DDB2: variants seen among roughly 807,000 people sequenced by gnomAD.
DDB2 encodes damage specific DNA binding protein 2.
DDB2 carries 27 observed loss-of-function variants against 50.5 expected under a neutral mutation model. The ratio of observed to expected loss-of-function variants is 0.53; its 90% CI spans 0.39 to 0.74. The LOEUF (loss-of-function observed/expected upper bound fraction) is 0.74. Ranked by LOEUF, DDB2 falls within the 30% of genes least tolerant of loss-of-function variation. DDB2 has a pLI of 0.00. For missense variants in DDB2, 424 were observed against 545.6 expected (o/e 0.78, Z 2.22); for synonymous variants, 176 against 205.5 (o/e 0.86, Z 1.23).
At chr11:47,224,365 A>G (rs1953528757) in intron 3 of DDB2, among the ~76,000 whole-genome samples, 1 of 151,978 alleles carries the variant, frequency 6.6e-6, no homozygotes, top group Non-Finnish European at 1.5e-5. Context: ...AGTAGCTGGG[A>G]TTACAGGTGC....
intron 1 of DDB2, 158 bp downstream of exon 1, chr11:47,215,421 GT>G: frequency 9.5e-7 from 1 of 1,052,724 alleles, no homozygotes; most frequent in Non-Finnish European, 1.4e-6. Context: ...ACACCAGAGT[GT>G]TTAGGTTTCA....
At chr11:47,227,801 C>T (rs1011237715) in intron 3 of DDB2, among the ~76,000 whole-genome samples, 2 of 152,064 alleles carry the variant, frequency 1.3e-5, no homozygotes, top group Admixed American at 6.6e-5. Context: ...CATTTGTGTT[C>T]ATGTGTAAAA....
intron 3 of DDB2, among the ~76,000 whole-genome samples, chr11:47,224,175 T>A (rs545968688): frequency 3.7e-4 from 57 of 152,316 alleles, no homozygotes; most frequent in South Asian, 1.5e-3. Context: ...CTGGTCGCTT[T>A]AAAAATGATT....
chr11:47,238,454 A>G (rs1265871864), intron 9 of DDB2, among the ~76,000 whole-genome samples: 2 of 151,684 alleles, frequency 1.3e-5, no homozygotes, highest in East Asian at 3.9e-4. Flanking sequence ...GCTGGAGTGC[A>G]GTGGCGTGAT....
At position 47,234,642 on chromosome 11, in the gene DDB2, C is replaced by A. The variant is rs201525567; in HGVS notation, c.672C>A (p.Asn224Lys). ...TGGTCACAGGAGACAACGTGGGGAACGTGATCCTGCTGAACATGGACGGCA... is the reference window on the plus strand; with the variant it reads ...TGGTCACAGGAGACAACGTGGGGAAAGTGATCCTGCTGAACATGGACGGCA... ...RMVVTGDNVG[N>K]VILLNMDGKE... Residue 224 changes from asparagine (N) to lysine (K), a missense_variant, in exon 5 of 10, where the codon AAC becomes AAA. Asn to Lys is a moderately conservative substitution (Grantham distance 94, BLOSUM62 0). Transcript: ENST00000256996. 1.9e-6 allele frequency: 3 copies of A among 1,614,146 alleles called. No homozygotes were observed.
chr11:47,219,954 C>CT (rs1287260099), intron 3 of DDB2, among the ~76,000 whole-genome samples: 4 of 152,038 alleles, frequency 2.6e-5, no homozygotes, highest in African/African-American at 9.7e-5. Flanking sequence ...CACCCGGCTA[C>CT]TTTTTTTATA....
At chr11:47,237,756 C>T (rs1344792511) in intron 7 of DDB2, 81 bp from the exon 8 acceptor site, 3 of 1,424,696 alleles carry the variant, frequency 2.1e-6, no homozygotes, top group Admixed American at 1.7e-5. Context: ...TTTGATGTTC[C>T]TCTTTGTTCA....
rs534759761 is a variant in DDB2 at position 47,218,491 on chromosome 11, G to A, written c.456+1442G>A. 7.2e-5 allele frequency among the ~76,000 whole-genome samples: 11 copies of A among 152,338 alleles called. No homozygotes were observed. In the South Asian group the frequency reaches 1.9e-3, roughly 26 times the overall value. On this transcript the variant is annotated intron_variant, in intron 3 of 9. Coordinates refer to ENST00000256996, the MANE Select transcript of DDB2 (RefSeq NM_000107.3). The stretch of plus-strand genomic sequence containing the variant: ...AGACTCCATGGATGAGCGAGGAGGA[G>A]CAGTATTAGATAAATGGAGAGAAAA...
intron 7 of DDB2, chr11:47,235,949 T>TTC (rs1953720976): frequency 6.7e-6 from 1 of 148,766 alleles, no homozygotes; most frequent in African/African-American, 2.5e-5. Flanking sequence ...TTTTTTTTTT[T>TTC]CTTGAAACGG....
chr11:47,230,618 A>G (rs1340644026), intron 3 of DDB2, among the ~76,000 whole-genome samples: 1 of 152,208 alleles, frequency 6.6e-6, no homozygotes, highest in Non-Finnish European at 1.5e-5. Flanking sequence ...TTGGCAGACC[A>G]TGAGCATTAG....
rs779621308 is a variant in DDB2 at position 47,215,193 on chromosome 11, C to A, written c.57C>A (p.Pro19=). The A allele has an allele frequency of 8.1e-6, 13 of 1,614,076 alleles. No homozygotes were observed. The South Asian group carries it at 1.3e-4, about 16-fold the overall frequency. Residue 19 remains proline (P), a synonymous_variant, in exon 1 of 10, where the codon CCC becomes CCA. Transcript: ENST00000256996. ...TQKTSEIVLR[P]RNKRSRSPLE... ...AGACCTCCGAGATTGTATTACGCCC[C>A]AGGAACAAGAGGAGCAGGAGTCCCC...
intron 3 of DDB2, among the ~76,000 whole-genome samples, chr11:47,224,847 T>C (rs1953534455): frequency 6.6e-6 from 1 of 151,448 alleles, no homozygotes; most frequent in South Asian, 2.1e-4. Flanking sequence ...TAGCCCAGCG[T>C]ATTTTTCATT....
At chr11:47,235,469 A>T in intron 7 of DDB2, 57 bp downstream of exon 7, 1 of 1,573,640 alleles carries the variant, frequency 6.4e-7, no homozygotes, top group Admixed American at 1.8e-5. Context: ...AGGCCGGAGC[A>T]GGTCTGCCCA....
chr11:47,232,218 C>T (rs1308552358), intron 3 of DDB2, among the ~76,000 whole-genome samples: 1 of 151,952 alleles, frequency 6.6e-6, no homozygotes, highest in African/African-American at 2.4e-5. Context: ...GTGGTGGGCA[C>T]CTGTAATCCC....
chr11:47,222,888 T>TA, intron 3 of DDB2, among the ~76,000 whole-genome samples: 1 of 152,350 alleles, frequency 6.6e-6, no homozygotes, highest in South Asian at 2.1e-4. Context: ...CCACATATTG[T>TA]CATTTCCAGT....
intron 9 of DDB2, 31 bp from the exon 10 acceptor site, chr11:47,238,769 G>T (rs771105355): frequency 6.2e-7 from 1 of 1,612,380 alleles, no homozygotes. Flanking sequence ...GTAACAGAAA[G>T]TGTAAGTCAG....
chr11:47,218,378 T>G (rs1453164053), intron 3 of DDB2, among the ~76,000 whole-genome samples: 1 of 152,170 alleles, frequency 6.6e-6, no homozygotes, highest in African/African-American at 2.4e-5. Flanking sequence ...ATGGGATGTA[T>G]ACATACGAGG....
intron 3 of DDB2, among the ~76,000 whole-genome samples, chr11:47,218,093 A>G (rs1467273148): frequency 1.3e-5 from 2 of 151,728 alleles, no homozygotes; most frequent in Admixed American, 6.6e-5. Context: ...TGCTGATTCT[A>G]CCTCTTCAAA....
intron 3 of DDB2, 152 bp from the exon 4 acceptor site, chr11:47,232,662 G>T: frequency 1.3e-6 from 1 of 765,714 alleles, no homozygotes; most frequent in Admixed American, 2.1e-5. Context: ...AAGAAGTGAA[G>T]GCCCTGTAGA....
Sources: gnomAD v4.1 joint callset for allele counts (sites outside exome capture counted in the v4.1 genomes callset) on GRCh38, gnomAD v4.1.1 for gene constraint, MANE v1.5 for transcripts, NCBI Gene and HGNC (gene_info 2026-07-23, HGNC 2026-07-21) for gene names.